Variants in TAX1BP1 observed in about 807,000 individuals in gnomAD.
TAX1BP1 encodes the protein tax1-binding protein 1.
A neutral mutation model predicts 97.7 loss-of-function variants in TAX1BP1; 62 were observed. That is an observed-to-expected ratio of 0.63 (90% CI 0.52 to 0.78). TAX1BP1 has a LOEUF of 0.78. Ranked by LOEUF, TAX1BP1 falls within the 30% of genes least tolerant of loss-of-function variation. The pLI is 0.00. For synonymous variants in TAX1BP1, 340 were observed against 304.2 expected, an observed-to-expected ratio of 1.12 and a Z score of -1.23; for missense variants, 867 against 916.1, an observed-to-expected ratio of 0.95 and a Z score of 0.69.
At chr7:27,740,560 G>T (rs562598478) in intron 1 of TAX1BP1, among the ~76,000 whole-genome samples, 2 of 152,302 alleles carry the variant, frequency 1.3e-5, no homozygotes, top group Admixed American at 6.5e-5. Flanking sequence ...GCGATTTGGG[G>T]GAGGCGTGTG....
chr7:27,771,100 T>A (rs1334322934), intron 5 of TAX1BP1, among the ~76,000 whole-genome samples: 7 of 58,964 alleles, frequency 1.2e-4, no homozygotes, highest in Non-Finnish European at 2.1e-4. Flanking sequence ...TTCAGCAATT[T>A]TTTTTTTTTT....
At chr7:27,757,355 A>G (rs1467427867) in intron 2 of TAX1BP1, among the ~76,000 whole-genome samples, 1 of 152,114 alleles carries the variant, frequency 6.6e-6, no homozygotes, top group Non-Finnish European at 1.5e-5. Context: ...GTTTGTGCAT[A>G]TATAAACATC....
Position 27,828,897 on chromosome 7 carries a change from ACC to A in TAX1BP1, c.*69_*70del, listed in dbSNP as rs1782589480. On this transcript the variant is annotated 3_prime_UTR_variant, in exon 17 of 17. Transcript: ENST00000396319. ...AAAAAAAAAACCACACCTAAAATAG[ACC>A]ACTGAGGAGACCATAGAGCGGATGC... The A allele has an allele frequency of 3.1e-6, 4 of 1,289,100 alleles. No individual in the cohort carries two copies. The highest frequency in any genetic ancestry group is 4.3e-6 in the Non-Finnish European group (4 of 933,202). 79.9% of individuals were successfully genotyped at this position (1,289,100 alleles called of 1,614,324 possible).
Position 27,816,417 on chromosome 7 carries a change from A to G in TAX1BP1, c.1833A>G (p.Gln611=), listed in dbSNP as rs762860224. Reference sequence around the variant, plus strand: ...AAGGTCAGAATTCCCAGAGTCCTCAATGTTTCAAAACATGCTCAGAGCAAA... The same window carrying G: ...AAGGTCAGAATTCCCAGAGTCCTCAGTGTTTCAAAACATGCTCAGAGCAAA... ...KMEGQNSQSP[Q]CFKTCSEQNG... Residue 611 remains glutamine (Q), a synonymous_variant, in exon 14 of 17, where the codon CAA becomes CAG. Transcript: ENST00000396319. The G allele has an allele frequency of 3.5e-5, 55 of 1,584,954 alleles. 1 individual carries two copies. Among genetic ancestry groups the G allele is most frequent in the South Asian group, 5.9e-5 (5 of 84,300 alleles).
intron 13 of TAX1BP1, among the ~76,000 whole-genome samples, chr7:27,813,204 G>A (rs1790627503): frequency 7.0e-6 from 1 of 142,752 alleles, no homozygotes; most frequent in Admixed American, 7.5e-5. Flanking sequence ...TTCCAGGCTG[G>A]AGTGAGTGGC....
At chr7:27,817,818 C>T (rs1284044578) in intron 15 of TAX1BP1, among the ~76,000 whole-genome samples, 2 of 152,004 alleles carry the variant, frequency 1.3e-5, no homozygotes, top group Non-Finnish European at 2.9e-5. Flanking sequence ...GTGCTCTTTG[C>T]AAGTACAGTG....
At chr7:27,776,412 G>A (rs1285931116) in intron 5 of TAX1BP1, among the ~76,000 whole-genome samples, 2 of 152,066 alleles carry the variant, frequency 1.3e-5, no homozygotes, top group Non-Finnish European at 2.9e-5. Flanking sequence ...AGAGATTTTT[G>A]TTGTGTATAG....
chr7:27,788,824 T>C (rs957872803), intron 8 of TAX1BP1, among the ~76,000 whole-genome samples: 10 of 151,856 alleles, frequency 6.6e-5, no homozygotes, highest in African/African-American at 2.4e-4. Flanking sequence ...AGAAACTCTG[T>C]TTTTTTTAGT....
intron 4 of TAX1BP1, among the ~76,000 whole-genome samples, chr7:27,767,250 A>G (rs768459686): frequency 1.3e-5 from 2 of 152,098 alleles, no homozygotes; most frequent in Non-Finnish European, 2.9e-5. Context: ...ATTTTTGGCT[A>G]ATTTATATTC....
intron 3 of TAX1BP1, among the ~76,000 whole-genome samples, chr7:27,764,107 A>G (rs907297329): frequency 4.6e-5 from 7 of 152,346 alleles, no homozygotes; most frequent in African/African-American, 1.7e-4. Flanking sequence ...TGAGCATCTT[A>G]CATGACCATG....
rs142501485 is a variant in TAX1BP1, at chr7:27,824,508, C to T, written c.2086-3230C>T. On this transcript the variant is annotated intron_variant, in intron 15 of 16. Coordinates refer to ENST00000396319, the MANE Select transcript of TAX1BP1 (RefSeq NM_006024.7). The stretch of plus-strand genomic sequence containing the variant: ...GGTCATGGCTGCAGTGATCCATGAT[C>T]GTGCCACTGCACTCCTGGGTGACAG... Among the ~76,000 whole-genome samples, 595 of 134,488 alleles carry T rather than the reference C, an allele frequency of 4.4e-3. 4 individuals carry two copies. The highest frequency in any genetic ancestry group is 0.021 in the Middle Eastern group (5 of 234). The allele number at this position is 134,488 out of a possible 152,430, so 88.2% of individuals were successfully genotyped here.
chr7:27,758,383 C>A, intron 3 of TAX1BP1: 1 of 227,096 alleles, frequency 4.4e-6, no homozygotes, highest in Non-Finnish European at 8.6e-6. Flanking sequence ...TTTTTAGGTA[C>A]TAATTTTTGG....
At chr7:27,816,192 G>A (rs961020326) in intron 13 of TAX1BP1, among the ~76,000 whole-genome samples, 157 bp from the exon 14 acceptor site, 5 of 152,192 alleles carry the variant, frequency 3.3e-5, no homozygotes, top group Admixed American at 3.3e-4. Flanking sequence ...TTTATGAGAA[G>A]TTGAGAGCCA....
chr7:27,753,406 G>A (rs187125016), intron 2 of TAX1BP1, among the ~76,000 whole-genome samples: 15 of 152,276 alleles, frequency 9.9e-5, no homozygotes, highest in Admixed American at 2.0e-4. Flanking sequence ...GTTTTGTTCC[G>A]TTTTGTGTTT....
chr7:27,799,963 A>C lies in TAX1BP1; in HGVS notation c.1639-2A>C. The C allele has an allele frequency of 6.3e-7, 1 of 1,587,796 alleles. No individual in the cohort carries two copies. Reference sequence around the variant, plus strand: ...TTTGGTAATTATACTAATTTCATTTAGGATGAGAAAGCAAAATGCAATAAA... The same window carrying C: ...TTTGGTAATTATACTAATTTCATTTCGGATGAGAAAGCAAAATGCAATAAA... On this transcript the variant is annotated splice_acceptor_variant, in intron 12 of 16. Coordinates refer to ENST00000396319, the MANE Select transcript of TAX1BP1 (RefSeq NM_006024.7). LOFTEE classifies it high-confidence loss of function.
chr7:27,816,968 A>G lies in TAX1BP1; in HGVS notation c.2015A>G (p.Asn672Ser), dbSNP rs760200197. The G allele has an allele frequency of 1.9e-6, 3 of 1,614,116 alleles. No homozygotes were observed. Among genetic ancestry groups the G allele is most frequent in the Admixed American group, 1.7e-5 (1 of 59,994 alleles). Residue 672 changes from asparagine (N) to serine (S), a missense_variant, in exon 15 of 17, where the codon AAT (asparagine) becomes AGT (serine). Coordinates refer to ENST00000396319, the MANE Select transcript of TAX1BP1 (RefSeq NM_006024.7). ...GTCCCCTCTTGGGGACTGGAAGACAATGTTGTCTGCAGCCAGCCTGCTCGA... is the reference window on the plus strand; with the variant it reads ...GTCCCCTCTTGGGGACTGGAAGACAGTGTTGTCTGCAGCCAGCCTGCTCGA... The part of the protein sequence containing the change: ...VRVPSWGLED[N>S]VVCSQPARNF...
chr7:27,793,757 T>G (rs1789807125), intron 10 of TAX1BP1, among the ~76,000 whole-genome samples: 1 of 152,202 alleles, frequency 6.6e-6, no homozygotes, highest in African/African-American at 2.4e-5. Context: ...TATGTATGTT[T>G]CAATGTGGGT....
chr7:27,828,568 G>A, intron 16 of TAX1BP1, 60 bp from the exon 17 acceptor site: 1 of 1,509,676 alleles, frequency 6.6e-7, no homozygotes, highest in East Asian at 2.3e-5. Context: ...TGTCATATAT[G>A]GACAAGTTGT....
At chr7:27,784,451 T>G (rs1179314247) in intron 5 of TAX1BP1, among the ~76,000 whole-genome samples, 1 of 152,176 alleles carries the variant, frequency 6.6e-6, no homozygotes, top group Non-Finnish European at 1.5e-5. Flanking sequence ...GAATATTTGT[T>G]TAGGCCTCTG....
Sources: gnomAD v4.1 joint callset for allele counts (sites outside exome capture counted in the v4.1 genomes callset) on GRCh38, gnomAD v4.1.1 for gene constraint, MANE v1.5 for transcripts, NCBI Gene and HGNC (gene_info 2026-07-23, HGNC 2026-07-21) for gene names.